Variants in SLC30A8 observed in about 807,000 individuals in gnomAD.
SLC30A8 encodes the protein proton-coupled zinc antiporter SLC30A8.
A neutral mutation model predicts 36.9 loss-of-function variants in SLC30A8; 27 were observed. The ratio of observed to expected loss-of-function variants is 0.73; its 90% CI spans 0.54 to 1.01. The LOEUF (loss-of-function observed/expected upper bound fraction) is 1.01, where lower values mean the gene tolerates loss of function less well. Among genes scored for constraint, SLC30A8 ranks in the 50% least tolerant of loss-of-function variants. SLC30A8 has a pLI of 0.00. For missense variants in SLC30A8, 439 were observed against 452.0 expected (o/e 0.97, Z 0.26); for synonymous variants, 164 against 172.4 (o/e 0.95, Z 0.38).
chr8:117,144,138 A>C lies in SLC30A8; in HGVS notation c.72-2816A>C, dbSNP rs190678924. ...AACAGTAAATCTCAACAATGTGTTCAAGTTAGTACTCAGGTTCCTCTGAGA... is the reference window on the plus strand; with the variant it reads ...AACAGTAAATCTCAACAATGTGTTCCAGTTAGTACTCAGGTTCCTCTGAGA... On this transcript the variant is annotated intron_variant, in intron 1 of 7. Transcript: ENST00000456015. Among the ~76,000 whole-genome samples the C allele has an allele frequency of 3.5e-3, 527 of 152,288 alleles. 8 individuals carry two copies. Among genetic ancestry groups the C allele is most frequent in the African/African-American group, 0.012 (503 of 41,562 alleles).
chr8:117,054,701 G>C (rs1487027523), intron 2 of SLC30A8, among the ~76,000 whole-genome samples: 1 of 149,270 alleles, frequency 6.7e-6, no homozygotes, highest in Admixed American at 6.8e-5. Context: ...ATATCATTTT[G>C]ATATGAGGTA....
At chr8:116,972,498 A>G (rs1027008572) in intron 1 of SLC30A8, among the ~76,000 whole-genome samples, 3 of 152,218 alleles carry the variant, frequency 2.0e-5, no homozygotes, top group African/African-American at 7.2e-5. Flanking sequence ...AACCAACTCC[A>G]TGCTTGTTTC....
chr8:116,984,923 TTTCTGGCG>T (rs1449420982), intron 1 of SLC30A8, among the ~76,000 whole-genome samples: 4 of 152,036 alleles, frequency 2.6e-5, no homozygotes, highest in Non-Finnish European at 1.5e-5. Context: ...TATGAACCCT[TTTCTGGCG>T]TTAGAAAGTA....
At position 117,157,845 on chromosome 8, in the gene SLC30A8, G is replaced by T; in HGVS notation, c.572+1G>T. 1 of 1,613,938 alleles carries T rather than the reference G, an allele frequency of 6.2e-7. No homozygotes were observed. Among genetic ancestry groups the T allele is most frequent in the Non-Finnish European group, 8.5e-7 (1 of 1,179,918 alleles). ...GCTGCGCAGTGGCGGCCAACATTGT[G>T]TAAGTCATCCCCTGGTCCCCACACA... On this transcript the variant is annotated splice_donor_variant, in intron 4 of 7. Coordinates refer to ENST00000456015, the MANE Select transcript of SLC30A8 (RefSeq NM_173851.3). LOFTEE classifies it high-confidence loss of function.
chr8:116,971,620 G>A (rs974506584), intron 1 of SLC30A8, among the ~76,000 whole-genome samples: 2 of 150,732 alleles, frequency 1.3e-5, no homozygotes, highest in Non-Finnish European at 3.0e-5. Context: ...CTTTTCCTCT[G>A]TGTTTTCAAA....
chr8:117,040,679 T>C (rs898616980), intron 2 of SLC30A8, among the ~76,000 whole-genome samples: 3 of 152,174 alleles, frequency 2.0e-5, no homozygotes, highest in Non-Finnish European at 4.4e-5. Flanking sequence ...GCATTGTGAA[T>C]TGGACTAATT....
chr8:117,067,523 T>A (rs1189958697), intron 2 of SLC30A8, among the ~76,000 whole-genome samples: 1 of 152,152 alleles, frequency 6.6e-6, no homozygotes, highest in Non-Finnish European at 1.5e-5. Context: ...GTAAACAGAT[T>A]GACTTTCAAG....
intron 2 of SLC30A8, among the ~76,000 whole-genome samples, chr8:117,057,484 C>T (rs527649721): frequency 6.6e-6 from 1 of 152,072 alleles, no homozygotes; most frequent in East Asian, 1.9e-4. Flanking sequence ...AGAATTTATT[C>T]ATCTTATAAT....
At chr8:117,008,913 G>A (rs994535533) in intron 1 of SLC30A8, among the ~76,000 whole-genome samples, 1 of 152,088 alleles carries the variant, frequency 6.6e-6, no homozygotes, top group Non-Finnish European at 1.5e-5. Flanking sequence ...GCCCACATCC[G>A]GAGTGTCTAG....
chr8:116,956,549 C>T (rs983927910), intron 1 of SLC30A8, among the ~76,000 whole-genome samples: 2 of 152,050 alleles, frequency 1.3e-5, no homozygotes, highest in African/African-American at 4.8e-5. Context: ...AACGAAAATA[C>T]AATTCATTGG....
Position 117,000,739 on chromosome 8 carries a change from A to G in SLC30A8, c.-265-38480A>G, listed in dbSNP as rs137982137. On this transcript the variant is annotated intron_variant, in intron 1 of 10. Coordinates refer to the SLC30A8 transcript ENST00000427715. ...GAATTGTTCTAAGTGGTTTAATAGT[A>G]GAATGGGCTTTGGAGTTAGATGGCC... Among the ~76,000 whole-genome samples, 258 of 152,342 alleles carry G rather than the reference A, an allele frequency of 1.7e-3. 2 individuals are homozygous for G. The highest frequency in any genetic ancestry group is 5.6e-3 in the African/African-American group (234 of 41,590).
chr8:117,084,938 T>C (rs1818815081), intron 2 of SLC30A8, among the ~76,000 whole-genome samples: 1 of 152,150 alleles, frequency 6.6e-6, no homozygotes, highest in Non-Finnish European at 1.5e-5. Context: ...TAAAGGTTTG[T>C]ATTTGTGTCT....
chr8:117,142,289 C>T (rs970944471), intron 1 of SLC30A8, among the ~76,000 whole-genome samples: 2 of 152,064 alleles, frequency 1.3e-5, no homozygotes, highest in Non-Finnish European at 2.9e-5. Context: ...CCACGTGGGT[C>T]AAAGCCACCA....
intron 2 of SLC30A8, among the ~76,000 whole-genome samples, chr8:117,103,811 T>C (rs1819840812): frequency 6.6e-6 from 1 of 152,134 alleles, no homozygotes; most frequent in Non-Finnish European, 1.5e-5. Context: ...TATCAGCCTG[T>C]TTCCTGCCTG....
chr8:117,030,592 C>T (rs1817014551), intron 1 of SLC30A8, among the ~76,000 whole-genome samples: 2 of 152,086 alleles, frequency 1.3e-5, no homozygotes, highest in Non-Finnish European at 2.9e-5. Flanking sequence ...TTAAATATGA[C>T]AGATTTTGAA....
At chr8:117,171,348 A>G (rs2466299) in intron 7 of SLC30A8, among the ~76,000 whole-genome samples, 180 bp downstream of exon 7, 103,901 of 151,940 alleles carry the variant, frequency 0.68, 38,926 homozygotes, top group East Asian at 0.82. Context: ...CATAGCAACA[A>G]TGATACCCAC....
At chr8:117,015,539 C>T (rs575295541) in intron 1 of SLC30A8, among the ~76,000 whole-genome samples, 82 of 29,666 alleles carry the variant, frequency 2.8e-3, no homozygotes, top group African/African-American at 0.019. Context: ...ATTATGCACC[C>T]CCCCCCCCCA....
chr8:117,153,175 C>A, intron 3 of SLC30A8, 85 bp downstream of exon 3: 1 of 1,385,578 alleles, frequency 7.2e-7, no homozygotes, highest in South Asian at 1.8e-5. Context: ...GAAGCAAAGC[C>A]TTGTTGGAAA....
intron 2 of SLC30A8, among the ~76,000 whole-genome samples, chr8:117,098,050 A>G (rs1387269914): frequency 7.3e-6 from 1 of 137,348 alleles, no homozygotes; most frequent in East Asian, 2.0e-4. Context: ...ATAATTATAT[A>G]TAATTATAAT....
Sources: allele counts gnomAD v4.1 joint callset (sites outside exome capture counted in the v4.1 genomes callset), GRCh38; gene constraint gnomAD v4.1.1; transcripts MANE v1.5; gene names NCBI Gene and HGNC (gene_info 2026-07-23, HGNC 2026-07-21).